The following ZNF276 variants were observed in gnomAD, a reference collection of about 807,000 sequenced individuals.
ZNF276 encodes zinc finger protein 276, also known as centromere protein Z.
A neutral mutation model predicts 63.9 loss-of-function variants in ZNF276; 59 were observed. That is an observed-to-expected ratio of 0.92 (90% confidence interval 0.75 to 1.15). The LOEUF (loss-of-function observed/expected upper bound fraction) is 1.15. ZNF276 is among the 50% of genes most tolerant of loss of function. ZNF276 has a pLI of 0.00. For missense variants in ZNF276, 1,084 were observed against 843.8 expected (o/e 1.28, Z -3.53); for synonymous variants, 496 against 348.4 (o/e 1.42, Z -4.72).
At position 89,740,528 on chromosome 16, in the gene ZNF276, C is replaced by T. The variant is rs1040814415; in HGVS notation, c.*2282C>T. 8 of 502,584 alleles carry T rather than the reference C, an allele frequency of 1.6e-5. No homozygotes were observed. The highest frequency in any genetic ancestry group is 3.6e-5 in the East Asian group (1 of 27,900). The allele number at this position is 502,584 out of a possible 1,614,324, so 31.1% of individuals were successfully genotyped here. On this transcript the variant is annotated 3_prime_UTR_variant, in exon 11 of 11. Coordinates refer to ENST00000443381, the MANE Select transcript of ZNF276 (RefSeq NM_001113525.2). The stretch of plus-strand genomic sequence containing the variant: ...ACTCACGCCTGTAATCCCAGCTACT[C>T]GGGAGGCTGATGCAGGAGAATTGCT...
intron 5 of ZNF276, among the ~76,000 whole-genome samples, chr16:89,727,762 A>G (rs146498084): frequency 1.1e-4 from 17 of 152,308 alleles, no homozygotes; most frequent in African/African-American, 3.8e-4. Context: ...TGCTTCTGCT[A>G]CTGTTTTAGG....
chr16:89,724,266 G>A (rs563891004), intron 4 of ZNF276, among the ~76,000 whole-genome samples: 4 of 152,196 alleles, frequency 2.6e-5, no homozygotes, highest in Non-Finnish European at 5.9e-5. Context: ...GTTGTTTTAG[G>A]AGGGCCAGGG....
Position 89,738,865 on chromosome 16 carries a change from G to A in ZNF276, c.*619G>A, listed in dbSNP as rs1297191247. 5 of 1,614,212 alleles carry A rather than the reference G, an allele frequency of 3.1e-6. No homozygotes were observed. Among genetic ancestry groups the A allele is most frequent in the Non-Finnish European group, 4.2e-6 (5 of 1,180,030 alleles). ...TCATGTCCCCCACATGGCCCAAGGTGGGCATCTTGACGTTACCTCTGCCAC... is the reference window on the plus strand; with the variant it reads ...TCATGTCCCCCACATGGCCCAAGGTAGGCATCTTGACGTTACCTCTGCCAC... On this transcript the variant is annotated 3_prime_UTR_variant, in exon 11 of 11. Coordinates refer to ENST00000443381, the MANE Select transcript of ZNF276 (RefSeq NM_001113525.2).
rs767725264 is a variant in ZNF276, at chr16:89,723,338, C to T, written c.635C>T (p.Ala212Val). ...CATGGACATGCGGCCAGCTGCGGGGCCCTGCCCCACCTTCAGAGGACACTG... is the reference window on the plus strand; with the variant it reads ...CATGGACATGCGGCCAGCTGCGGGGTCCTGCCCCACCTTCAGAGGACACTG... ...WVHGHAASCGALPHLQRTLSS... is the reference protein window; with the variant it reads ...WVHGHAASCGVLPHLQRTLSS... Residue 212 changes from alanine to valine, a missense_variant, in exon 4 of 11, where the codon GCC (alanine) becomes GTC (valine). By Grantham distance (64) the Ala-to-Val change is moderately conservative (BLOSUM62 0). Transcript: ENST00000443381. 1.3e-5 allele frequency: 21 copies of T among 1,612,914 alleles called. No individual in the cohort carries two copies. Among genetic ancestry groups the T allele is most frequent in the African/African-American group, 1.2e-4 (9 of 74,950 alleles).
At position 89,740,055 on chromosome 16, in the gene ZNF276, G is replaced by A. The variant is rs2062089414; in HGVS notation, c.*1809G>A. ...TCTTCCTCTTCTCTAAACACTCGAG[G>A]ATTGCTGCACAAACGTGGAAAGCCT... On this transcript the variant is annotated 3_prime_UTR_variant, in exon 11 of 11. Coordinates refer to ENST00000443381, the MANE Select transcript of ZNF276 (RefSeq NM_001113525.2). 1 of 1,614,176 alleles carries A rather than the reference G, an allele frequency of 6.2e-7. No homozygotes were observed. Among genetic ancestry groups the A allele is most frequent in the Non-Finnish European group, 8.5e-7 (1 of 1,180,042 alleles).
rs1246732552 is a variant in ZNF276 at position 89,732,757 on chromosome 16, C to T, written c.1170-545C>T. On this transcript the variant is annotated intron_variant, in intron 6 of 10. Coordinates refer to ENST00000443381, the MANE Select transcript of ZNF276 (RefSeq NM_001113525.2). Reference sequence around the variant, plus strand: ...CCCTGACCCTGCTGTACCATGCCCTCGCCCTCTGCTGTGTTCACCCTGACC... The same window carrying T: ...CCCTGACCCTGCTGTACCATGCCCTTGCCCTCTGCTGTGTTCACCCTGACC... 2.8e-5 allele frequency: 6 copies of T among 212,104 alleles called. 1 individual carries two copies. The highest frequency in any genetic ancestry group is 5.0e-5 in the Non-Finnish European group (5 of 100,838). 13.1% of individuals were successfully genotyped at this position (212,104 alleles called of 1,614,324 possible).
chr16:89,721,044 G>T (rs939442019), upstream of ZNF276: 14 of 515,804 alleles, frequency 2.7e-5, no homozygotes, highest in Non-Finnish European at 3.8e-5. Context: ...GTTAGTGGCG[G>T]GGGCGGCAGA....
intron 4 of ZNF276, among the ~76,000 whole-genome samples, chr16:89,725,607 C>T (rs1024713901): frequency 6.6e-6 from 1 of 151,692 alleles, no homozygotes; most frequent in Non-Finnish European, 1.5e-5. Context: ...CTGACTAACA[C>T]GGTGAAACCC....
chr16:89,737,912 G>GT lies in ZNF276; in HGVS notation c.1574+8dup, dbSNP rs761678583. The GT allele has an allele frequency of 3.2e-6, 5 of 1,578,264 alleles. No homozygotes were observed. Among genetic ancestry groups the GT allele is most frequent in the Non-Finnish European group, 4.3e-6 (5 of 1,173,154 alleles). On this transcript the variant is annotated splice_region_variant and intron_variant, in intron 10 of 10. Coordinates refer to ENST00000443381, the MANE Select transcript of ZNF276 (RefSeq NM_001113525.2). ...CGGGAGCCAAGCCTTTGCAGTAAGT[G>GT]TGAGTCAGGACCCCCTCCCAGGGCT... is the stretch of plus-strand genomic sequence containing the variant.
At position 89,733,508 on chromosome 16, in the gene ZNF276, G is replaced by A; in HGVS notation, c.1307G>A (p.Cys436Tyr). Residue 436 changes from cysteine (C) to tyrosine (Y), a missense_variant, in exon 8 of 11, where the codon TGT becomes TAT. By Grantham distance (194) the Cys-to-Tyr change is radical. Coordinates refer to ENST00000443381, the MANE Select transcript of ZNF276 (RefSeq NM_001113525.2). ...EREELPTIYK[C>Y]PYQGCTAVYR... The stretch of plus-strand genomic sequence containing the variant: ...GAGGAGCTTCCCACCATCTACAAGT[G>A]TCCTTACCAGGGCTGCACGGCCGTG... The A allele has an allele frequency of 6.2e-7, 1 of 1,614,196 alleles. No individual in the cohort carries two copies. The highest frequency in any genetic ancestry group is 8.5e-7 in the Non-Finnish European group (1 of 1,180,044).
chr16:89,723,731 T>C (rs746218867), intron 4 of ZNF276, 22 bp downstream of exon 4: 2 of 1,597,516 alleles, frequency 1.3e-6, no homozygotes, highest in Non-Finnish European at 1.7e-6. Context: ...CTCTTGCTGG[T>C]GCTAGACCAG....
intron 9 of ZNF276, among the ~76,000 whole-genome samples, chr16:89,735,380 ATTAT>A (rs1306754217): frequency 6.6e-6 from 1 of 152,156 alleles, no homozygotes; most frequent in African/African-American, 2.4e-5. Flanking sequence ...CAGAATAAGA[ATTAT>A]TTATTCTTAC....
At chr16:89,731,457 G>T (rs565406366) in intron 6 of ZNF276, 1 of 152,360 alleles carries the variant, frequency 6.6e-6, no homozygotes, top group South Asian at 2.1e-4. Context: ...TTTCTCCCAC[G>T]TTGGCCACAC....
In ZNF276 at chr16:89,729,363, C is replaced by T. The variant is rs529823145; in HGVS notation, c.1169+45C>T. 64 of 1,551,766 alleles carry T rather than the reference C, an allele frequency of 4.1e-5. No homozygotes were observed. In the South Asian group the frequency reaches 6.4e-4, roughly 15 times the overall value. On this transcript the variant is annotated intron_variant, in intron 6 of 10. Coordinates refer to ENST00000443381, the MANE Select transcript of ZNF276 (RefSeq NM_001113525.2). ...TCTGCTGGAGGCATCCGTTGGGCGA[C>T]CTAGACACCCGCCTGTGCTCCAGGG...
intron 9 of ZNF276, among the ~76,000 whole-genome samples, chr16:89,735,884 T>A (rs1411134926): frequency 1.0e-5 from 1 of 95,304 alleles, no homozygotes; most frequent in Non-Finnish European, 2.1e-5. Flanking sequence ...CGGGGGTGTT[T>A]TTTTTTGTTT....
chr16:89,729,588 T>C (rs1029063360), intron 6 of ZNF276, among the ~76,000 whole-genome samples: 1 of 152,146 alleles, frequency 6.6e-6, no homozygotes, highest in African/African-American at 2.4e-5. Context: ...GGATGGCAGG[T>C]GTCTCTGTCG....
At position 89,737,117 on chromosome 16, in the gene ZNF276, C is replaced by T. The variant is rs17227487; in HGVS notation, c.1475-689C>T. ...GATTTCCAGAGCCAGTACAGCAATG[C>T]ATACCCCCAGACCCTGGGTATGGAC... is the stretch of plus-strand genomic sequence containing the variant. On this transcript the variant is annotated intron_variant, in intron 9 of 10. Coordinates refer to ENST00000443381, the MANE Select transcript of ZNF276 (RefSeq NM_001113525.2). Among the ~76,000 whole-genome samples, 256 of 152,280 alleles carry T rather than the reference C, an allele frequency of 1.7e-3. 1 individual carries two copies. The highest frequency in any genetic ancestry group is 5.5e-3 in the African/African-American group (228 of 41,568).
intron 6 of ZNF276, among the ~76,000 whole-genome samples, chr16:89,730,613 G>A (rs1439539009): frequency 1.3e-5 from 2 of 152,146 alleles, no homozygotes; most frequent in South Asian, 2.1e-4. Context: ...ACAGAGACAC[G>A]GGAGATACGT....
intron 5 of ZNF276, among the ~76,000 whole-genome samples, chr16:89,727,771 G>A (rs79583181): frequency 0.012 from 1,885 of 152,320 alleles, 42 homozygotes; most frequent in African/African-American, 0.042. Context: ...TACTGTTTTA[G>A]GGCCATAGTT....
Sources: allele counts gnomAD v4.1 joint callset (sites outside exome capture counted in the v4.1 genomes callset), GRCh38; gene constraint gnomAD v4.1.1; transcripts MANE v1.5; gene names NCBI Gene and HGNC (gene_info 2026-07-23, HGNC 2026-07-21).